The following CEP128 variants were observed in gnomAD, a reference collection of about 807,000 sequenced individuals.
CEP128 encodes the protein centrosomal protein 128kDa.
CEP128 carries 132 observed loss-of-function variants against 156.7 expected under a neutral mutation model. The observed-to-expected ratio is 0.84, with a 90% CI of 0.73 to 0.97. The LOEUF is 0.97. CEP128 is among the 50% of genes least tolerant of loss of function. CEP128 has a pLI of 0.00. For synonymous variants in CEP128, 469 were observed against 448.9 expected (o/e 1.04, Z -0.57); for missense variants, 1,252 against 1,281.9 (o/e 0.98, Z 0.36).
At chr14:80,720,964 AGTT>A (rs750832407) in intron 19 of CEP128, among the ~76,000 whole-genome samples, 18 of 152,310 alleles carry the variant, frequency 1.2e-4, no homozygotes, top group Admixed American at 2.6e-4. Context: ...AATATCCTTG[AGTT>A]GTTCATCTTT....
intron 19 of CEP128, among the ~76,000 whole-genome samples, chr14:80,684,893 G>A (rs2596112): frequency 0.62 from 94,837 of 151,974 alleles, 31,540 homozygotes; most frequent in African/African-American, 0.86. Context: ...ATGTAATCCA[G>A]TATCGCTTCA....
At chr14:80,754,298 G>C (rs985962651) in intron 18 of CEP128, among the ~76,000 whole-genome samples, 2 of 151,900 alleles carry the variant, frequency 1.3e-5, no homozygotes, top group Non-Finnish European at 2.9e-5. Flanking sequence ...TTTGTTCTTT[G>C]CATGTTTGCT....
At chr14:80,713,751 T>A (rs1363275890) in intron 19 of CEP128, among the ~76,000 whole-genome samples, 2 of 152,228 alleles carry the variant, frequency 1.3e-5, no homozygotes, top group African/African-American at 2.4e-5. Context: ...CCATTCAGCA[T>A]TACTTACGTG....
chr14:80,793,744 T>C (rs1320142541), intron 13 of CEP128, among the ~76,000 whole-genome samples: 3 of 152,128 alleles, frequency 2.0e-5, no homozygotes, highest in Admixed American at 6.5e-5. Context: ...TTTGAATATT[T>C]CTCTAATCAA....
In CEP128 at chr14:80,785,479, G is replaced by C. The variant is rs780056351; in HGVS notation, c.1627C>G (p.Arg543Gly). 6.2e-7 allele frequency: 1 copy of C among 1,613,472 alleles called. No homozygotes were observed. The highest frequency in any genetic ancestry group is 1.7e-5 in the Admixed American group (1 of 59,916). ...GTTAGGACATCATTCAATTCCTTTC[G>C]AAGATTCTCTATTTGTTGTAATGCT... ...YAALQQIENL[R>G]KELNDVLTKR... is the part of the protein sequence containing the mutation. The change falls in exon 15 of 25, where the codon CGA (arginine) becomes GGA (glycine). Residue 543 changes from arginine (R) to glycine (G), a missense_variant. Coordinates refer to ENST00000555265, the MANE Select transcript of CEP128 (RefSeq NM_152446.5).
chr14:80,765,391 C>T (rs1221924955), intron 16 of CEP128, among the ~76,000 whole-genome samples: 1 of 152,146 alleles, frequency 6.6e-6, no homozygotes, highest in African/African-American at 2.4e-5. Flanking sequence ...GATTTAGAGG[C>T]ATTCAAATAA....
chr14:80,684,028 C>A (rs1896426685), intron 19 of CEP128, among the ~76,000 whole-genome samples: 1 of 151,980 alleles, frequency 6.6e-6, no homozygotes, highest in African/African-American at 2.4e-5. Context: ...TCACTTCACA[C>A]CTAGAGGAGC....
intron 9 of CEP128, among the ~76,000 whole-genome samples, chr14:80,854,441 T>C (rs1887046599): frequency 1.3e-5 from 2 of 152,222 alleles, no homozygotes; most frequent in African/African-American, 2.4e-5. Flanking sequence ...AAAGTCCCCA[T>C]ATATATGCAA....
chr14:80,631,645 A>G (rs1352890889), intron 19 of CEP128, among the ~76,000 whole-genome samples: 1 of 152,086 alleles, frequency 6.6e-6, no homozygotes, highest in East Asian at 1.9e-4. Context: ...ACAAAGCCTG[A>G]AGCAATTTGT....
chr14:80,913,203 TC>T (rs1884349202), intron 4 of CEP128, among the ~76,000 whole-genome samples: 1 of 138,378 alleles, frequency 7.2e-6, no homozygotes, highest in Admixed American at 6.8e-5. Context: ...CAATTCTACT[TC>T]CAGCAATCCT....
intron 4 of CEP128, among the ~76,000 whole-genome samples, chr14:80,913,990 T>C (rs1030694330): frequency 6.6e-6 from 1 of 152,192 alleles, no homozygotes; most frequent in Non-Finnish European, 1.5e-5. Context: ...AATAAACACA[T>C]ATTACTTTAA....
intron 2 of CEP128, among the ~76,000 whole-genome samples, chr14:80,950,343 C>T (rs140109732): frequency 9.9e-5 from 15 of 152,216 alleles, no homozygotes; most frequent in Admixed American, 2.6e-4. Flanking sequence ...GTTTGTGGTA[C>T]TTTGTTACAG....
chr14:80,752,754 C>T (rs965574896), intron 18 of CEP128, among the ~76,000 whole-genome samples: 10 of 152,154 alleles, frequency 6.6e-5, no homozygotes, highest in South Asian at 6.2e-4. Context: ...CTAAGCCCTT[C>T]GCAGTAACTA....
At chr14:80,729,530 C>T (rs1224851371) in intron 19 of CEP128, among the ~76,000 whole-genome samples, 2 of 152,012 alleles carry the variant, frequency 1.3e-5, no homozygotes, top group Non-Finnish European at 2.9e-5. Context: ...TTCATAAATT[C>T]CCTCTGGGTA....
chr14:80,505,438 T>C (rs761048707), intron 23 of CEP128, among the ~76,000 whole-genome samples: 1 of 152,238 alleles, frequency 6.6e-6, no homozygotes, highest in African/African-American at 2.4e-5. Flanking sequence ...GTTTTACTCA[T>C]ATACATAACA....
intron 19 of CEP128, among the ~76,000 whole-genome samples, chr14:80,585,394 T>A (rs1891779297): frequency 6.6e-6 from 1 of 152,132 alleles, no homozygotes; most frequent in Admixed American, 6.5e-5. Context: ...AGATAGATTG[T>A]TTGTTTATTT....
At chr14:80,799,578 G>C (rs1422088033) in intron 13 of CEP128, among the ~76,000 whole-genome samples, 2 of 152,128 alleles carry the variant, frequency 1.3e-5, no homozygotes, top group African/African-American at 4.8e-5. Context: ...TGCAAGTAGG[G>C]AAGATATCGC....
chr14:80,514,953 A>G (rs943101237), intron 23 of CEP128, among the ~76,000 whole-genome samples: 2 of 152,338 alleles, frequency 1.3e-5, no homozygotes, highest in South Asian at 4.1e-4. Flanking sequence ...GGGCACCTGA[A>G]GCCCAGTATC....
At chr14:80,935,596 AAAT>A (rs1885742376) in intron 2 of CEP128, among the ~76,000 whole-genome samples, 1 of 147,032 alleles carries the variant, frequency 6.8e-6, no homozygotes, top group East Asian at 2.0e-4. Context: ...ATAAATAAAT[AAAT>A]AAAAATAAAG....
Sources: gnomAD v4.1 joint callset for allele counts (sites outside exome capture counted in the v4.1 genomes callset) on GRCh38, gnomAD v4.1.1 for gene constraint, MANE v1.5 for transcripts, NCBI Gene and HGNC (gene_info 2026-07-23, HGNC 2026-07-21) for gene names.